KCNIP4: variants seen among roughly 807,000 people sequenced by gnomAD.
KCNIP4 encodes the protein potassium voltage-gated channel interacting protein 4, also known as Kv channel-interacting protein 4.
KCNIP4 carries 12 observed loss-of-function variants against 34.0 expected under a neutral mutation model. The ratio of observed to expected loss-of-function variants is 0.35; its 90% CI spans 0.23 to 0.57. The LOEUF (loss-of-function observed/expected upper bound fraction) is 0.57, where lower values mean the gene tolerates loss of function less well. KCNIP4 is among the 20% of genes least tolerant of loss of function. The pLI, the probability that KCNIP4 is intolerant of heterozygous loss-of-function variation, is 0.83. For missense variants in KCNIP4, 238 were observed against 311.7 expected, an observed-to-expected ratio of 0.76 and a Z score of 1.78; for synonymous variants, 124 against 102.2, an observed-to-expected ratio of 1.21 and a Z score of -1.29.
chr4:21,632,140 T>C (rs989129840), intron 1 of KCNIP4, among the ~76,000 whole-genome samples: 3 of 152,316 alleles, frequency 2.0e-5, no homozygotes, highest in East Asian at 1.9e-4. Context: ...TCTAACATAA[T>C]AGATTCCATG....
intron 5 of KCNIP4, among the ~76,000 whole-genome samples, chr4:20,747,265 T>G (rs1414602075): frequency 1.4e-4 from 22 of 152,288 alleles, no homozygotes; most frequent in Non-Finnish European, 4.4e-5. Context: ...TTCTGACACA[T>G]AAGTAATTTC....
chr4:21,693,100 C>A (rs1711859678), intron 1 of KCNIP4, among the ~76,000 whole-genome samples: 1 of 94,068 alleles, frequency 1.1e-5, no homozygotes, highest in Admixed American at 8.8e-5. Context: ...TGCTTAGGAT[C>A]ACCTCTTCCA....
chr4:21,421,641 C>T (rs1460154504), intron 1 of KCNIP4, among the ~76,000 whole-genome samples: 3 of 152,018 alleles, frequency 2.0e-5, no homozygotes, highest in Non-Finnish European at 2.9e-5. Flanking sequence ...AGCTATTGGT[C>T]AAAGGATAAC....
Position 21,213,054 on chromosome 4 carries a change from A to G in KCNIP4, c.62-330345T>C, listed in dbSNP as rs1299168250. On this transcript the variant is annotated intron_variant, in intron 1 of 8. Transcript: ENST00000382152. The stretch of plus-strand genomic sequence containing the variant: ...CTAAGAAACACAGGTGTAAAGAAAG[A>G]AATAATAACTAAAGTGAACTAAACT... Among the ~76,000 whole-genome samples the G allele has an allele frequency of 2.0e-5, 3 of 152,128 alleles. No individual in the cohort carries two copies. In the East Asian group the frequency reaches 5.8e-4, roughly 29 times the overall value.
intron 1 of KCNIP4, among the ~76,000 whole-genome samples, chr4:21,448,717 C>A (rs1395972015): frequency 5.3e-5 from 8 of 152,074 alleles, no homozygotes; most frequent in African/African-American, 1.7e-4. Context: ...GAGGGACATC[C>A]TTTTTACTTC....
At chr4:21,937,567 A>C (rs1177199620) in intron 1 of KCNIP4, among the ~76,000 whole-genome samples, 1 of 152,068 alleles carries the variant, frequency 6.6e-6, no homozygotes, top group Non-Finnish European at 1.5e-5. Context: ...GTTCCAACCC[A>C]TATGGCCCAA....
intron 2 of KCNIP4, among the ~76,000 whole-genome samples, chr4:20,862,605 G>A (rs553889948): frequency 9.0e-4 from 137 of 152,208 alleles, no homozygotes; most frequent in African/African-American, 3.2e-3. Flanking sequence ...TCAAAGGAGT[G>A]CCTCAAACTT....
At chr4:20,937,435 C>T (rs985670086) in intron 1 of KCNIP4, among the ~76,000 whole-genome samples, 3 of 151,298 alleles carry the variant, frequency 2.0e-5, no homozygotes, top group African/African-American at 7.3e-5. Context: ...GGGGTTTCAC[C>T]ATGTTAGCCA....
At chr4:21,387,196 G>T (rs916426767) in intron 1 of KCNIP4, among the ~76,000 whole-genome samples, 6 of 151,984 alleles carry the variant, frequency 3.9e-5, no homozygotes, top group Non-Finnish European at 8.8e-5. Flanking sequence ...CTAAATAATT[G>T]GTAATAGCTA....
At position 21,294,193 on chromosome 4, in the gene KCNIP4, G is replaced by A. The variant is rs115357986; in HGVS notation, c.62-411484C>T. Among the ~76,000 whole-genome samples, 555 of 152,124 alleles carry A rather than the reference G, an allele frequency of 3.6e-3. 3 individuals carry two copies. The highest frequency in any genetic ancestry group is 0.013 in the African/African-American group (533 of 41,494). On this transcript the variant is annotated intron_variant, in intron 1 of 8. Coordinates refer to ENST00000382152, the MANE Select transcript of KCNIP4 (RefSeq NM_025221.6). ...TATTAGCATCTAATGCCATCTTCTT[G>A]CTTACCAGCTCTGGAACCTCTCTAT...
chr4:21,241,199 ATGTT>A (rs759270706), intron 1 of KCNIP4, among the ~76,000 whole-genome samples: 4 of 152,232 alleles, frequency 2.6e-5, no homozygotes, highest in Admixed American at 6.5e-5. Context: ...TTCAAATTGT[ATGTT>A]TGTTCACAGA....
chr4:21,116,191 A>G (rs1186205722), intron 1 of KCNIP4, among the ~76,000 whole-genome samples: 1 of 152,230 alleles, frequency 6.6e-6, no homozygotes, highest in African/African-American at 2.4e-5. Flanking sequence ...CTTTTCTTGA[A>G]GAGTGCCCTC....
At chr4:21,830,818 A>T (rs1164314183) in intron 1 of KCNIP4, among the ~76,000 whole-genome samples, 11 of 152,230 alleles carry the variant, frequency 7.2e-5, no homozygotes, top group African/African-American at 2.7e-4. Flanking sequence ...TATAAAAGAC[A>T]TATATAGAAT....
chr4:21,604,539 C>T (rs1213882614), intron 1 of KCNIP4, among the ~76,000 whole-genome samples: 4 of 151,960 alleles, frequency 2.6e-5, no homozygotes, highest in Admixed American at 2.6e-4. Flanking sequence ...CCTCAAATGG[C>T]AAGCATAAAT....
At chr4:21,717,617 G>T (rs1421053366) in intron 1 of KCNIP4, among the ~76,000 whole-genome samples, 1 of 152,156 alleles carries the variant, frequency 6.6e-6, no homozygotes. Context: ...CTGGAGCAAA[G>T]AGCAAACAGC....
At chr4:21,590,592 T>C (rs944089546) in intron 1 of KCNIP4, among the ~76,000 whole-genome samples, 7 of 151,692 alleles carry the variant, frequency 4.6e-5, no homozygotes, top group African/African-American at 1.2e-4. Flanking sequence ...AAATAAAAGG[T>C]TTAGGGATGT....
intron 1 of KCNIP4, among the ~76,000 whole-genome samples, chr4:21,299,702 T>C (rs1328282221): frequency 1.3e-5 from 2 of 152,132 alleles, no homozygotes; most frequent in African/African-American, 4.8e-5. Context: ...TAGTCATCTC[T>C]GGCCCCTTGG....
intron 1 of KCNIP4, among the ~76,000 whole-genome samples, chr4:21,617,438 T>C (rs1340789682): frequency 6.6e-6 from 1 of 152,202 alleles, no homozygotes; most frequent in Non-Finnish European, 1.5e-5. Flanking sequence ...CTGCATTTTT[T>C]ATTAGAGGAC....
chr4:20,969,458 A>C (rs1486083770), intron 1 of KCNIP4, among the ~76,000 whole-genome samples: 2 of 152,128 alleles, frequency 1.3e-5, no homozygotes, highest in African/African-American at 4.8e-5. Flanking sequence ...GCCTGTCCTG[A>C]CACTGCAGTG....
Sources: gnomAD v4.1 joint callset for allele counts (sites outside exome capture counted in the v4.1 genomes callset) on GRCh38, gnomAD v4.1.1 for gene constraint, MANE v1.5 for transcripts, NCBI Gene and HGNC (gene_info 2026-07-23, HGNC 2026-07-21) for gene names.